MCU: variants seen among roughly 807,000 people sequenced by gnomAD.
The protein encoded by MCU is calcium uniporter protein, mitochondrial.
A neutral mutation model predicts 45.2 loss-of-function variants in MCU; 12 were observed. That is an observed-to-expected ratio of 0.27 (90% CI 0.17 to 0.43). The LOEUF is 0.43. Among genes scored for constraint, MCU ranks in the 20% least tolerant of loss-of-function variants. The pLI is 1.00. For synonymous variants in MCU, 160 were observed against 165.1 expected (o/e 0.97, Z 0.24); for missense variants, 324 against 436.7 (o/e 0.74, Z 2.30).
intron 1 of MCU, among the ~76,000 whole-genome samples, chr10:72,702,199 C>T (rs1019265958): frequency 2.0e-5 from 3 of 150,404 alleles, no homozygotes; most frequent in Non-Finnish European, 3.0e-5. Context: ...TGCAGTGACC[C>T]GAGATCGCAC....
chr10:72,739,652 A>G (rs562360750), intron 1 of MCU, among the ~76,000 whole-genome samples: 3 of 152,190 alleles, frequency 2.0e-5, no homozygotes, highest in East Asian at 1.9e-4. Flanking sequence ...TCTTTCCTCT[A>G]AAAGTAGGCT....
At chr10:72,830,130 A>G (rs1418755729) in intron 1 of MCU, among the ~76,000 whole-genome samples, 1 of 152,220 alleles carries the variant, frequency 6.6e-6, no homozygotes, top group African/African-American at 2.4e-5. Context: ...CAACTCTTGC[A>G]GCTATATACC....
intron 1 of MCU, among the ~76,000 whole-genome samples, chr10:72,784,394 G>A (rs562554048): frequency 1.3e-5 from 2 of 152,260 alleles, no homozygotes; most frequent in South Asian, 2.1e-4. Context: ...ATATAAATGT[G>A]ATTCATTTAC....
At chr10:72,752,874 C>T (rs960632378) in intron 1 of MCU, among the ~76,000 whole-genome samples, 2 of 152,164 alleles carry the variant, frequency 1.3e-5, no homozygotes, top group Non-Finnish European at 2.9e-5. Context: ...GTCAAATATT[C>T]ATTTTGAAGT....
At chr10:72,746,219 A>G (rs1022073123) in intron 1 of MCU, among the ~76,000 whole-genome samples, 1 of 152,240 alleles carries the variant, frequency 6.6e-6, no homozygotes, top group Non-Finnish European at 1.5e-5. Context: ...TACCAGCCAC[A>G]CTGGCGTTGC....
chr10:72,855,355 A>G (rs547563607), intron 2 of MCU, among the ~76,000 whole-genome samples: 1 of 152,272 alleles, frequency 6.6e-6, no homozygotes, highest in South Asian at 2.1e-4. Context: ...AGGTGTGAGA[A>G]TAGCTTGAGT....
At chr10:72,861,580 CA>C (rs1845376246) in intron 4 of MCU, 11 of 330,618 alleles carry the variant, frequency 3.3e-5, no homozygotes, top group South Asian at 2.6e-4. Flanking sequence ...CTCTTGACCT[CA>C]GGTGATCCAT....
At chr10:72,796,838 T>C (rs1487272585) in intron 1 of MCU, among the ~76,000 whole-genome samples, 1 of 152,034 alleles carries the variant, frequency 6.6e-6, no homozygotes, top group East Asian at 1.9e-4. Flanking sequence ...TAATTCTATT[T>C]CCTCCTTGAC....
chr10:72,851,264 C>A (rs191580249), intron 2 of MCU, among the ~76,000 whole-genome samples: 1 of 152,298 alleles, frequency 6.6e-6, no homozygotes, highest in East Asian at 1.9e-4. Flanking sequence ...TTGACTTTGT[C>A]TCAGTTATTT....
At chr10:72,793,711 A>C (rs1844202255) in intron 1 of MCU, among the ~76,000 whole-genome samples, 1 of 152,014 alleles carries the variant, frequency 6.6e-6, no homozygotes, top group Non-Finnish European at 1.5e-5. Flanking sequence ...GCTCGAATAT[A>C]TCTACATGTG....
At chr10:72,799,488 A>AT (rs1202071479) in intron 1 of MCU, among the ~76,000 whole-genome samples, 8,811 of 145,288 alleles carry the variant, frequency 0.061, 827 homozygotes, top group African/African-American at 0.2. Context: ...AATATATAAC[A>AT]TTTTTTTTTT....
chr10:72,733,467 A>G (rs1019811666), intron 1 of MCU, among the ~76,000 whole-genome samples: 4 of 152,132 alleles, frequency 2.6e-5, no homozygotes, highest in Non-Finnish European at 5.9e-5. Flanking sequence ...AAAAACAACA[A>G]CAACAAAAAC....
intron 1 of MCU, among the ~76,000 whole-genome samples, chr10:72,822,538 C>T (rs1844729107): frequency 6.6e-6 from 1 of 152,100 alleles, no homozygotes; most frequent in African/African-American, 2.4e-5. Flanking sequence ...GGCAAAAGTT[C>T]TGAATAGGCA....
chr10:72,778,959 A>T (rs533117369), intron 1 of MCU, among the ~76,000 whole-genome samples: 12 of 152,146 alleles, frequency 7.9e-5, no homozygotes, highest in Non-Finnish European at 1.3e-4. Flanking sequence ...TCGAGAATTC[A>T]GAAGTATATT....
At chr10:72,844,950 AACTT>A (rs1330363704) in intron 2 of MCU, among the ~76,000 whole-genome samples, 1 of 152,204 alleles carries the variant, frequency 6.6e-6, no homozygotes, top group Non-Finnish European at 1.5e-5. Flanking sequence ...GGAGCTGATC[AACTT>A]ACTTAAAAAT....
chr10:72,745,122 T>C (rs1224462111), intron 1 of MCU, among the ~76,000 whole-genome samples: 2 of 152,226 alleles, frequency 1.3e-5, no homozygotes, highest in Non-Finnish European at 2.9e-5. Flanking sequence ...ATGGACAATT[T>C]AGATCAAAAT....
At chr10:72,800,539 A>G (rs981741479) in intron 1 of MCU, among the ~76,000 whole-genome samples, 1 of 152,222 alleles carries the variant, frequency 6.6e-6, no homozygotes, top group Non-Finnish European at 1.5e-5. Flanking sequence ...ATGTATCAAG[A>G]TTTATTTACT....
chr10:72,847,795 T>G (rs1236564591), intron 2 of MCU, among the ~76,000 whole-genome samples: 1 of 152,194 alleles, frequency 6.6e-6, no homozygotes, highest in Non-Finnish European at 1.5e-5. Flanking sequence ...AGTCAGGGCC[T>G]TAATCATCTG....
At chr10:72,738,169 T>C (rs983501790) in intron 1 of MCU, among the ~76,000 whole-genome samples, 4 of 152,168 alleles carry the variant, frequency 2.6e-5, no homozygotes, top group Non-Finnish European at 2.9e-5. Context: ...CTAATAATTA[T>C]AGTAATTAAG....
Sources: gnomAD v4.1 joint callset for allele counts (sites outside exome capture counted in the v4.1 genomes callset) on GRCh38, gnomAD v4.1.1 for gene constraint, MANE v1.5 for transcripts, NCBI Gene and HGNC (gene_info 2026-07-23, HGNC 2026-07-21) for gene names.